The following TUBGCP2 variants were observed in gnomAD, a reference collection of about 807,000 sequenced individuals.
The protein encoded by TUBGCP2 is gamma-tubulin complex component 2.
A neutral mutation model predicts 92.2 loss-of-function variants in TUBGCP2; 55 were observed. That is an observed-to-expected ratio of 0.60 (90% confidence interval 0.48 to 0.75). The LOEUF (loss-of-function observed/expected upper bound fraction) is 0.75. Among genes scored for constraint, TUBGCP2 ranks in the 30% least tolerant of loss-of-function variants. TUBGCP2 has a pLI of 0.00. For missense variants in TUBGCP2, 1,093 were observed against 1,188.9 expected (o/e 0.92, Z 1.19); for synonymous variants, 533 against 505.2 (o/e 1.06, Z -0.74).
intron 1 of TUBGCP2, among the ~76,000 whole-genome samples, chr10:133,306,661 G>A (rs1264040035): frequency 3.3e-5 from 5 of 152,034 alleles, no homozygotes; most frequent in Admixed American, 6.5e-5. Flanking sequence ...GGTGGCGGGC[G>A]CTTGTAGTCG....
In TUBGCP2 at chr10:133,293,744, C is replaced by T. The variant is rs770276822; in HGVS notation, c.642G>A (p.Glu214=). 3.1e-6 allele frequency: 5 copies of T among 1,596,666 alleles called. No homozygotes were observed. In the African/African-American group the frequency reaches 6.7e-5, roughly 21 times the overall value. Reference sequence around the variant, plus strand: ...ACAGCAGGTCCTCCACCACGGCCGACTCCTGCGAGGCCAGGGGCAACGTGC... The same window carrying T: ...ACAGCAGGTCCTCCACCACGGCCGATTCCTGCGAGGCCAGGGGCAACGTGC... ...PIGTLPLASQ[E]SAVVEDLLYV... Residue 214 remains glutamate, a synonymous_variant, in exon 6 of 18, where the codon GAG becomes GAA. Coordinates refer to ENST00000252936, the MANE Select transcript of TUBGCP2 (RefSeq NM_006659.4).
At chr10:133,303,970 C>T (rs916236679) in intron 1 of TUBGCP2, among the ~76,000 whole-genome samples, 36 of 152,344 alleles carry the variant, frequency 2.4e-4, no homozygotes, top group African/African-American at 7.2e-4. Context: ...GGGTGAGCGC[C>T]GCCCCTACTC....
Position 133,292,929 on chromosome 10 carries a change from C to G in TUBGCP2, c.1024+110G>C, listed in dbSNP as rs561703636. On this transcript the variant is annotated intron_variant, in intron 7 of 17. Transcript: ENST00000252936. ...CAACATGAGCTTTGGCCACACGCCC[C>G]TGCCCTGGGCAGCTGCTCCACGGCC... 325 of 1,317,792 alleles carry G rather than the reference C, an allele frequency of 2.5e-4. 1 individual carries two copies. Among genetic ancestry groups the G allele is most frequent in the Middle Eastern group, 1.3e-3 (5 of 3,754 alleles). The allele number at this position is 1,317,792 out of a possible 1,614,324, so 81.6% of individuals were successfully genotyped here.
At chr10:133,309,832 A>G, upstream of TUBGCP2, 1 of 1,613,686 alleles carries the variant, frequency 6.2e-7, no homozygotes, top group Admixed American at 1.7e-5. Context: ...GATGCCCTGG[A>G]CGACTACGAG....
intron 1 of TUBGCP2, 114 bp from the exon 2 acceptor site, chr10:133,303,094 GC>G: frequency 1.1e-6 from 1 of 948,096 alleles, no homozygotes; most frequent in Non-Finnish European, 1.5e-6. Flanking sequence ...TTATCACCTG[GC>G]CTGCCTGGCC....
chr10:133,286,217 A>G (rs938509876), intron 11 of TUBGCP2, among the ~76,000 whole-genome samples: 1 of 152,144 alleles, frequency 6.6e-6, no homozygotes, highest in Non-Finnish European at 1.5e-5. Flanking sequence ...TCACTTGTCC[A>G]TCAAATAGCC....
chr10:133,297,271 G>A (rs1395190418), intron 5 of TUBGCP2: 9 of 331,250 alleles, frequency 2.7e-5, no homozygotes, highest in African/African-American at 9.1e-5. Flanking sequence ...GCGTGGTGGC[G>A]CCTGCAGTCC....
chr10:133,298,197 C>A, intron 4 of TUBGCP2, 86 bp from the exon 5 acceptor site: 1 of 1,417,676 alleles, frequency 7.1e-7, no homozygotes, highest in Non-Finnish European at 9.6e-7. Flanking sequence ...AAGCTAGCAT[C>A]TACGGCAAAG....
chr10:133,283,161 C>G lies in TUBGCP2; in HGVS notation c.2206G>C (p.Asp736His), dbSNP rs765916262. Residue 736 changes from aspartate (D) to histidine (H), a missense_variant, in exon 15 of 18, where the codon GAC (aspartate) becomes CAC (histidine). Asp to His is a moderately conservative substitution (Grantham distance 81). Transcript: ENST00000252936. ...HTGFLDTCLK[D>H]CMLTNPELLK... ...AGCTCGGGGTTGGTGAGCATGCAGT[C>G]CTTCAGGCAGGTGTCCAGGAAGCCT... 6.2e-7 allele frequency: 1 copy of G among 1,614,234 alleles called. No homozygotes were observed.
Position 133,292,745 on chromosome 10 carries a change from C to T in TUBGCP2, c.1025-57G>A. On this transcript the variant is annotated intron_variant, in intron 7 of 17. Transcript: ENST00000252936. ...AAGGAAGCGCACGCCCAGCCTCTGCCAACAACACTGCTGGGGCCCCTCATG... is the reference window on the plus strand; with the variant it reads ...AAGGAAGCGCACGCCCAGCCTCTGCTAACAACACTGCTGGGGCCCCTCATG... The T allele has an allele frequency of 3.9e-6, 6 of 1,553,914 alleles. No homozygotes were observed. The South Asian group carries it at 7.1e-5, about 18-fold the overall frequency.
chr10:133,309,709 T>C, upstream of TUBGCP2: 2 of 1,572,432 alleles, frequency 1.3e-6, no homozygotes, highest in Admixed American at 1.7e-5. Context: ...AAAGGGAAAC[T>C]GTGCAGAAAG....
In TUBGCP2 at chr10:133,299,415, T is replaced by G. The variant is rs549233984; in HGVS notation, c.456+12A>C. The G allele has an allele frequency of 1.3e-6, 2 of 1,581,328 alleles. No homozygotes were observed. The highest frequency in any genetic ancestry group is 1.7e-6 in the Non-Finnish European group (2 of 1,167,048). On this transcript the variant is annotated intron_variant, in intron 4 of 17. Coordinates refer to ENST00000252936, the MANE Select transcript of TUBGCP2 (RefSeq NM_006659.4). ...GCAGCATGGAGCCTGTGGACAGCCA[T>G]GGACGCAGTACCTGCTGCAGCGTGG...
At chr10:133,281,733 C>CA (rs1385593621) in intron 16 of TUBGCP2, among the ~76,000 whole-genome samples, 1 of 152,260 alleles carries the variant, frequency 6.6e-6, no homozygotes, top group East Asian at 1.9e-4. Flanking sequence ...GGGCGCCTCT[C>CA]AGTGTCCCTC....
At chr10:133,291,169 GC>G (rs1463948425) in intron 8 of TUBGCP2, 1 of 400,922 alleles carries the variant, frequency 2.5e-6, no homozygotes, top group East Asian at 4.1e-5. Context: ...GCGGACATCT[GC>G]CCGGGGTGTG....
chr10:133,302,563 T>G, intron 2 of TUBGCP2: 2 of 511,256 alleles, frequency 3.9e-6, no homozygotes, highest in South Asian at 2.3e-5. Flanking sequence ...GACTGAGGGG[T>G]GGGTTCACCC....
intron 1 of TUBGCP2, among the ~76,000 whole-genome samples, chr10:133,303,373 TC>T (rs1259066478): frequency 5.9e-5 from 9 of 152,316 alleles, no homozygotes; most frequent in African/African-American, 2.2e-4. Flanking sequence ...CCAGGCGGCC[TC>T]CGCAGCTCCG....
chr10:133,297,221 G>A (rs1427898894), intron 5 of TUBGCP2: 4 of 310,158 alleles, frequency 1.3e-5, no homozygotes, highest in East Asian at 2.4e-4. Flanking sequence ...GGCCAACACG[G>A]CAAAACCCCG....
Position 133,285,362 on chromosome 10 carries a change from C to A in TUBGCP2, c.1895+94G>T. The A allele has an allele frequency of 1.3e-6, 2 of 1,595,440 alleles. No individual in the cohort carries two copies. Among genetic ancestry groups the A allele is most frequent in the Non-Finnish European group, 8.5e-7 (1 of 1,172,172 alleles). ...AGGCCGGGGAGAGCCGCCTTGGGTC[C>A]TCTGTGGGACGAGGTGGCCACCGCG... On this transcript the variant is annotated intron_variant, in intron 12 of 17. Transcript: ENST00000252936. This position sits in a 1 kb window ranked among gnomAD's most constrained non-coding sequence, Gnocchi z 6.8.
chr10:133,280,281 G>T (rs924315120), intron 17 of TUBGCP2, among the ~76,000 whole-genome samples: 1 of 152,204 alleles, frequency 6.6e-6, no homozygotes, highest in African/African-American at 2.4e-5. Context: ...CCCCAACAGG[G>T]CCTAGCAATG....
Sources: gnomAD v4.1 joint callset for allele counts (sites outside exome capture counted in the v4.1 genomes callset) on GRCh38, gnomAD v4.1.1 for gene constraint, Gnocchi (gnomAD v3.1) non-coding constraint, MANE v1.5 for transcripts, NCBI Gene and HGNC (gene_info 2026-07-23, HGNC 2026-07-21) for gene names.